Variants in SLC45A3 observed in about 807,000 individuals in gnomAD.
The protein encoded by SLC45A3 is solute carrier family 45 member 3, also known as prostate cancer associated protein 2.
In SLC45A3, 17 loss-of-function variants were observed where a neutral mutation model predicts 35.3. The observed-to-expected ratio is 0.48, with a 90% CI of 0.33 to 0.72. The LOEUF (loss-of-function observed/expected upper bound fraction) is 0.72, where lower values mean the gene tolerates loss of function less well. SLC45A3 is among the 30% of genes least tolerant of loss of function. SLC45A3 has a pLI of 0.02. For missense variants in SLC45A3, 597 were observed against 731.7 expected (o/e 0.82, Z 2.12); for synonymous variants, 288 against 334.3 (o/e 0.86, Z 1.51).
chr1:205,665,746 C>G (rs901045355), intron 1 of SLC45A3, among the ~76,000 whole-genome samples: 1 of 152,200 alleles, frequency 6.6e-6, no homozygotes, highest in Non-Finnish European at 1.5e-5. Flanking sequence ...CAATTTTCAG[C>G]AGAGAAGTCC....
At chr1:205,678,028 T>G (rs929595475) in intron 1 of SLC45A3, among the ~76,000 whole-genome samples, 1 of 152,132 alleles carries the variant, frequency 6.6e-6, no homozygotes, top group African/African-American at 2.4e-5. Flanking sequence ...ATAGAAACTT[T>G]CTTTCTGGCC....
chr1:205,661,851 CA>C lies in SLC45A3; in HGVS notation c.1224+9del. 1 of 1,605,728 alleles carries C rather than the reference CA, an allele frequency of 6.2e-7. No individual in the cohort carries two copies. The highest frequency in any genetic ancestry group is 8.5e-7 in the Non-Finnish European group (1 of 1,173,754). On this transcript the variant is annotated intron_variant, in intron 4 of 4. Transcript: ENST00000367145. ...TCCCACCCTGACTCCACCCACTGGC[CA>C]ATGAGTACCTGCTTCTCCCGGTGGT... is the stretch of plus-strand genomic sequence containing the variant.
intron 1 of SLC45A3, among the ~76,000 whole-genome samples, chr1:205,676,277 CAAG>C (rs1671313880): frequency 6.6e-6 from 1 of 152,192 alleles, no homozygotes; most frequent in African/African-American, 2.4e-5. Context: ...AGGGGAAAGA[CAAG>C]AACTGCTGTT....
rs1671177509 is a variant in SLC45A3, at chr1:205,669,700, CG to C, written c.-230-4815del. Among the ~76,000 whole-genome samples, 1 of 152,220 alleles carries C rather than the reference CG, an allele frequency of 6.6e-6. No individual in the cohort carries two copies. The highest frequency in any genetic ancestry group is 1.5e-5 in the Non-Finnish European group (1 of 68,032). ...CGTGTTCCCTGCACACTCACAAAGA[CG>C]CTCTGCTTTCTCCCAGGCTCCTCAG... On this transcript the variant is annotated intron_variant, in intron 1 of 4. Transcript: ENST00000367145. This position sits in a 1 kb window ranked among gnomAD's most constrained non-coding sequence, Gnocchi z 4.1.
At chr1:205,679,427 T>TG (rs199593848) in intron 1 of SLC45A3, among the ~76,000 whole-genome samples, 2 of 152,016 alleles carry the variant, frequency 1.3e-5, no homozygotes, top group Non-Finnish European at 2.9e-5. Flanking sequence ...CTGCAGTGCC[T>TG]GGGGGGAGCG....
chr1:205,665,293 C>T (rs571365220), intron 1 of SLC45A3, among the ~76,000 whole-genome samples: 1 of 152,158 alleles, frequency 6.6e-6, no homozygotes, highest in Non-Finnish European at 1.5e-5. Flanking sequence ...TTCTACTCCC[C>T]AAACCTGGGG....
chr1:205,663,767 T>A, intron 2 of SLC45A3, 149 bp from the exon 3 acceptor site: 1 of 831,770 alleles, frequency 1.2e-6, no homozygotes, highest in East Asian at 2.7e-5. Context: ...TTACTCCTCA[T>A]AACACAGGCA....
rs1440516412 is a variant in SLC45A3 at position 205,664,559 on chromosome 1, G to A, written c.98C>T (p.Ala33Val). ...LLTFGLEVCL[A>V]AGITYVPPLL... The stretch of plus-strand genomic sequence containing the variant: ...AGGCGGCACATAGGTGATGCCTGCG[G>A]CCAAACACACCTCCAGGCCAAAGGT... Residue 33 changes from alanine (A) to valine (V), a missense_variant, in exon 2 of 5, where the codon GCC becomes GTC. Transcript: ENST00000367145. This position sits in a 1 kb window ranked among gnomAD's most constrained non-coding sequence, Gnocchi z 5.3. 6.2e-7 allele frequency: 1 copy of A among 1,614,242 alleles called. No homozygotes were observed. Among genetic ancestry groups the A allele is most frequent in the Non-Finnish European group, 8.5e-7 (1 of 1,180,034 alleles).
In SLC45A3 at chr1:205,659,407, T is replaced by C. The variant is rs770605686; in HGVS notation, c.1489A>G (p.Ser497Gly). 3 of 1,614,058 alleles carry C rather than the reference T, an allele frequency of 1.9e-6. No individual in the cohort carries two copies. Among genetic ancestry groups the C allele is most frequent in the Non-Finnish European group, 2.5e-6 (3 of 1,180,020 alleles). Residue 497 changes from serine (S) to glycine (G), a missense_variant, in exon 5 of 5, where the codon AGT becomes GGT. Ser to Gly is a moderately conservative substitution (Grantham distance 56). Around this residue, in one of 3 missense-constraint regions of SLC45A3, gnomAD observed 555 missense variants for 664.9 expected, o/e 0.83. Transcript: ENST00000367145. This position sits in a 1 kb window ranked among gnomAD's most constrained non-coding sequence, Gnocchi z 5.8. ...GICLDLAILDSAFLLSQVAPS... is the reference protein window; with the variant it reads ...GICLDLAILDGAFLLSQVAPS... Reference sequence around the variant, plus strand: ...GCCACCTGGGACAGCAGGAAGGCACTATCCAGGATGGCGAGGTCCAGGCAG... The same window carrying C: ...GCCACCTGGGACAGCAGGAAGGCACCATCCAGGATGGCGAGGTCCAGGCAG...
intron 1 of SLC45A3, among the ~76,000 whole-genome samples, chr1:205,675,294 T>C (rs1671292799): frequency 6.6e-6 from 1 of 152,188 alleles, no homozygotes; most frequent in Non-Finnish European, 1.5e-5. Flanking sequence ...GAAAGAGTAA[T>C]ATTTTTAGGC....
rs1245198000 is a variant in SLC45A3 at position 205,662,815 on chromosome 1, T to G, written c.958+18A>C. 1 of 1,555,518 alleles carries G rather than the reference T, an allele frequency of 6.4e-7. No individual in the cohort carries two copies. Among genetic ancestry groups the G allele is most frequent in the South Asian group, 1.2e-5 (1 of 83,152 alleles). ...GGGCGGCTCCCACACCAGCCTCTGCTGGCTGCCAAGGCCTTACCTTCATCA... is the reference window on the plus strand; with the variant it reads ...GGGCGGCTCCCACACCAGCCTCTGCGGGCTGCCAAGGCCTTACCTTCATCA... On this transcript the variant is annotated intron_variant, in intron 3 of 4. Transcript: ENST00000367145. The surrounding 1 kb of genome is among the most constrained non-coding windows in gnomAD (Gnocchi z 6.2).
At chr1:205,678,903 G>A (rs1671354276) in intron 1 of SLC45A3, among the ~76,000 whole-genome samples, 1 of 152,132 alleles carries the variant, frequency 6.6e-6, no homozygotes, top group African/African-American at 2.4e-5. Context: ...TGCTCTATGG[G>A]TTTCCTCAGG....
At chr1:205,680,031 T>TCGGCCAGGCC (rs1553248869) in intron 1 of SLC45A3, among the ~76,000 whole-genome samples, 2 of 147,684 alleles carry the variant, frequency 1.4e-5, no homozygotes, top group African/African-American at 2.5e-5. Flanking sequence ...CCGCCAGCCG[T>TCGGCCAGGCC]CGGCCCGGCC....
Position 205,657,857 on chromosome 1 carries a change from TA to T in SLC45A3, c.*1376del. 5.2e-6 allele frequency: 1 copy of T among 192,482 alleles called. No homozygotes were observed. Among genetic ancestry groups the T allele is most frequent in the Non-Finnish European group, 1.1e-5 (1 of 91,906 alleles). The allele number at this position is 192,482 out of a possible 1,614,324, so 11.9% of individuals were successfully genotyped here. On this transcript the variant is annotated 3_prime_UTR_variant, in exon 5 of 5. Transcript: ENST00000367145. ...TAAAAGAAACACATGCCAATAAACA[TA>T]TAAGAAAGCCTTTAATTTTGTCACC...
Position 205,658,825 on chromosome 1 carries a change from T to C in SLC45A3, c.*409A>G. On this transcript the variant is annotated 3_prime_UTR_variant, in exon 5 of 5. Coordinates refer to ENST00000367145, the MANE Select transcript of SLC45A3 (RefSeq NM_033102.3). The stretch of plus-strand genomic sequence containing the variant: ...AAACGAAGCTGCAGGTTAAGGGGCT[T>C]AGAGATGGGAAACCAGGTGACTGAG... The C allele has an allele frequency of 3.9e-6, 1 of 256,440 alleles. No individual in the cohort carries two copies. Among genetic ancestry groups the C allele is most frequent in the Non-Finnish European group, 7.6e-6 (1 of 131,114 alleles). 15.9% of individuals were successfully genotyped at this position (256,440 alleles called of 1,614,324 possible).
chr1:205,664,974 G>C lies in SLC45A3; in HGVS notation c.-230-88C>G, dbSNP rs1003473921. ...ATTTGCTCTAAATTGTCTGGATCCT[G>C]ATCATTCACAGGCTGGCGACTGGCC... On this transcript the variant is annotated intron_variant, in intron 1 of 4. Transcript: ENST00000367145. This position sits in a 1 kb window ranked among gnomAD's most constrained non-coding sequence, Gnocchi z 5.3. 8.5e-7 allele frequency: 1 copy of C among 1,182,110 alleles called. No homozygotes were observed. The highest frequency in any genetic ancestry group is 1.1e-6 in the Non-Finnish European group (1 of 950,006). 73.2% of individuals were successfully genotyped at this position (1,182,110 alleles called of 1,614,324 possible). A position where few individuals can be genotyped will look rare whatever the true frequency, so the allele number is the denominator to read the frequency against.
chr1:205,660,601 T>C (rs559193482), intron 4 of SLC45A3, among the ~76,000 whole-genome samples: 2 of 152,126 alleles, frequency 1.3e-5, no homozygotes, highest in South Asian at 4.1e-4. Context: ...TGCCATCAGC[T>C]GCTGTTAGGA....
At chr1:205,668,500 C>T (rs1461429652) in intron 1 of SLC45A3, among the ~76,000 whole-genome samples, 7 of 152,128 alleles carry the variant, frequency 4.6e-5, no homozygotes, top group Non-Finnish European at 1.0e-4. Flanking sequence ...GTTGGAACCC[C>T]GCCTCCTGCC....
chr1:205,676,808 T>C (rs187197866), intron 1 of SLC45A3, among the ~76,000 whole-genome samples: 1 of 152,228 alleles, frequency 6.6e-6, no homozygotes, highest in East Asian at 1.9e-4. Flanking sequence ...CAGGGACACT[T>C]AATACACTGG....
Sources: gnomAD v4.1 joint callset for allele counts (sites outside exome capture counted in the v4.1 genomes callset) on GRCh38, gnomAD v4.1.1 for gene constraint, gnomAD v4.1.1 regional missense constraint, Gnocchi (gnomAD v3.1) non-coding constraint, MANE v1.5 for transcripts, NCBI Gene and HGNC (gene_info 2026-07-23, HGNC 2026-07-21) for gene names.